PRRC2C: variants seen among roughly 807,000 people sequenced by gnomAD.
PRRC2C encodes proline rich coiled-coil 2C, also known as protein PRRC2C.
PRRC2C carries 72 observed loss-of-function variants against 317.2 expected under a neutral mutation model. That is an observed-to-expected ratio of 0.23 (90% confidence interval 0.19 to 0.28). The LOEUF (loss-of-function observed/expected upper bound fraction) is 0.28. Ranked by LOEUF, PRRC2C falls within the 10% of genes least tolerant of loss-of-function variation. The probability of loss-of-function intolerance (pLI) is 1.00; values close to 1 mark genes in which losing one functional copy is unlikely to be tolerated. For synonymous variants in PRRC2C, 1,296 were observed against 1,205.9 expected (o/e 1.07, Z -1.55); for missense variants, 3,074 against 3,459.7 (o/e 0.89, Z 2.80).
chr1:171,576,056 G>A lies in PRRC2C; in HGVS notation c.6955+928G>A, dbSNP rs941009176. Among the ~76,000 whole-genome samples the A allele has an allele frequency of 4.0e-5, 6 of 151,744 alleles. No individual in the cohort carries two copies. The South Asian group carries it at 6.2e-4, about 16-fold the overall frequency. Reference sequence around the variant, plus strand: ...TTAACACAAACTCCCGAGATTCTACGCTGCATTAACATTTTAAATCAAACT... The same window carrying A: ...TTAACACAAACTCCCGAGATTCTACACTGCATTAACATTTTAAATCAAACT... On this transcript the variant is annotated intron_variant, in intron 25 of 34. Coordinates refer to ENST00000647382, the MANE Select transcript of PRRC2C (RefSeq NM_001387844.1).
chr1:171,533,857 C>T (rs1190165007), intron 12 of PRRC2C, among the ~76,000 whole-genome samples: 2 of 152,144 alleles, frequency 1.3e-5, no homozygotes, highest in Non-Finnish European at 2.9e-5. Flanking sequence ...CTCTTGACCT[C>T]GTGATCTGCC....
At chr1:171,514,222 C>T (rs1337139660) in intron 3 of PRRC2C, among the ~76,000 whole-genome samples, 1 of 151,652 alleles carries the variant, frequency 6.6e-6, no homozygotes, top group Non-Finnish European at 1.5e-5. Flanking sequence ...TTCTTCAAAA[C>T]AGATATTTGG....
chr1:171,487,205 G>A (rs1471334938), intron 1 of PRRC2C, among the ~76,000 whole-genome samples: 2 of 151,924 alleles, frequency 1.3e-5, no homozygotes, highest in Non-Finnish European at 2.9e-5. Context: ...AGACCTTTGA[G>A]AAAAGTGCTA....
chr1:171,546,748 G>C (rs1467708507), intron 17 of PRRC2C, among the ~76,000 whole-genome samples: 1 of 152,072 alleles, frequency 6.6e-6, no homozygotes, highest in Non-Finnish European at 1.5e-5. Context: ...GTACAAGCAT[G>C]AGCCACCATG....
chr1:171,502,726 C>T (rs1007420113), intron 1 of PRRC2C, among the ~76,000 whole-genome samples: 16 of 151,994 alleles, frequency 1.1e-4, no homozygotes, highest in African/African-American at 3.1e-4. Flanking sequence ...CTTAAAAGGA[C>T]GTTGATTGTT....
chr1:171,517,885 A>G lies in PRRC2C; in HGVS notation c.750+71A>G, dbSNP rs117074841. ...TCTGGGGTCCAAGGAGCGAATTGTT[A>G]TAGGGAAAAGTTTAGGTCTTTGTTT... On this transcript the variant is annotated intron_variant, in intron 6 of 34. Coordinates refer to ENST00000647382, the MANE Select transcript of PRRC2C (RefSeq NM_001387844.1). The G allele has an allele frequency of 5.8e-4, 775 of 1,344,232 alleles. 6 individuals carry two copies. In the East Asian group the frequency reaches 0.018, roughly 30 times the overall value. The allele number at this position is 1,344,232 out of a possible 1,614,324, so 83.3% of individuals were successfully genotyped here. A position where few individuals can be genotyped will look rare whatever the true frequency, so the allele number is the denominator to read the frequency against.
At position 171,514,528 on chromosome 1, in the gene PRRC2C, T is replaced by C; in HGVS notation, c.291-8T>C. 6.5e-7 allele frequency: 1 copy of C among 1,546,970 alleles called. No homozygotes were observed. Among genetic ancestry groups the C allele is most frequent in the South Asian group, 1.2e-5 (1 of 83,706 alleles). On this transcript the variant is annotated splice_region_variant and splice_polypyrimidine_tract_variant and intron_variant, in intron 3 of 34. Transcript: ENST00000647382. Reference sequence around the variant, plus strand: ...ATCTGAAATAATGGATTCATATTTTTTTTTAAGAACACCAGAAGTGCCACC... The same window carrying C: ...ATCTGAAATAATGGATTCATATTTTCTTTTAAGAACACCAGAAGTGCCACC...
rs1430833095 is a variant in PRRC2C, at chr1:171,592,992, C to T, written c.*1145C>T. 3 of 152,024 alleles carry T rather than the reference C, an allele frequency of 2.0e-5. No homozygotes were observed. The highest frequency in any genetic ancestry group is 4.4e-5 in the Non-Finnish European group (3 of 67,992). The allele number at this position is 152,024 out of a possible 1,614,324, so 9.4% of individuals were successfully genotyped here. Reference sequence around the variant, plus strand: ...ATACGTAGTAGTGACCGTGCTTTATCAGAGCTGTTTTTAATGATGTTATTC... The same window carrying T: ...ATACGTAGTAGTGACCGTGCTTTATTAGAGCTGTTTTTAATGATGTTATTC... On this transcript the variant is annotated 3_prime_UTR_variant, in exon 35 of 35. Transcript: ENST00000647382.
In PRRC2C at chr1:171,579,894, C is replaced by T. The variant is rs780809179; in HGVS notation, c.7339C>T (p.Leu2447=). The T allele has an allele frequency of 6.3e-6, 10 of 1,598,850 alleles. No homozygotes were observed. The highest frequency in any genetic ancestry group is 1.3e-5 in the African/African-American group (1 of 74,184). The stretch of plus-strand genomic sequence containing the variant: ...ACTGCAAGGGCAGCATCAAGCCCAA[C>T]TGAGTTTGGGGGCTGGCCCTGCTGT... ...APLQGQHQAQ[L]SLGAGPAVSQ... is the part of the protein sequence containing the mutation. Residue 2447 remains leucine, a synonymous_variant, in exon 28 of 35, where the codon CTG becomes TTG. Coordinates refer to ENST00000647382, the MANE Select transcript of PRRC2C (RefSeq NM_001387844.1).
At chr1:171,497,284 AATAATGAGATTATGTTGGGCACT>A (rs1668301525) in intron 1 of PRRC2C, among the ~76,000 whole-genome samples, 1 of 152,112 alleles carries the variant, frequency 6.6e-6, no homozygotes, top group South Asian at 2.1e-4. Flanking sequence ...TGATTTTTTA[AATAATGAGATTATGTTGGGCACT>A]GGCTTTGAAG....
intron 10 of PRRC2C, 40 bp from the exon 11 acceptor site, chr1:171,527,751 C>T (rs769644287): frequency 2.0e-6 from 3 of 1,511,984 alleles, no homozygotes; most frequent in African/African-American, 2.8e-5. Flanking sequence ...GCAAGACTGT[C>T]TCCAAAATAA....
Position 171,566,330 on chromosome 1 carries a change from C to T in PRRC2C, c.6215C>T (p.Pro2072Leu). Reference protein sequence around the residue: ...ASNGNENEVVPVLSEKSADKI... With the variant: ...ASNGNENEVVLVLSEKSADKI... The stretch of plus-strand genomic sequence containing the variant: ...AATGGAAATGAAAATGAAGTTGTTC[C>T]TGTGCTTTCGGAAAAATCTGCTGAC... The change falls in exon 21 of 35, where the codon CCT becomes CTT. Residue 2072 changes from proline (P) to leucine (L), a missense_variant. Transcript: ENST00000647382. The T allele has an allele frequency of 6.2e-7, 1 of 1,603,934 alleles. No individual in the cohort carries two copies. The highest frequency in any genetic ancestry group is 8.5e-7 in the Non-Finnish European group (1 of 1,175,066).
At chr1:171,588,720 G>A (rs909366183) in intron 33 of PRRC2C, among the ~76,000 whole-genome samples, 2 of 152,138 alleles carry the variant, frequency 1.3e-5, no homozygotes, top group African/African-American at 4.8e-5. Context: ...AAGAGAAATA[G>A]TTAAAAGATT....
chr1:171,566,351 C>T lies in PRRC2C; in HGVS notation c.6236C>T (p.Ala2079Val), dbSNP rs937254658. Reference sequence around the variant, plus strand: ...GTTCCTGTGCTTTCGGAAAAATCTGCTGACAAAATACCTGAACCTAAAGAA... The same window carrying T: ...GTTCCTGTGCTTTCGGAAAAATCTGTTGACAAAATACCTGAACCTAAAGAA... ...EVVPVLSEKS[A>V]DKIPEPKEQR... The change falls in exon 21 of 35, where the codon GCT becomes GTT. Residue 2079 changes from alanine (A) to valine (V), a missense_variant. Around this residue, in one of 11 missense-constraint regions of PRRC2C, gnomAD observed 640 missense variants for 676.1 expected, o/e 0.95. Transcript: ENST00000647382. The T allele has an allele frequency of 3.8e-6, 6 of 1,598,836 alleles. No homozygotes were observed. In the Admixed American group the frequency reaches 1.0e-4, roughly 28 times the overall value.
In PRRC2C at chr1:171,522,273, A is replaced by G. The variant is rs1673725452; in HGVS notation, c.833+14A>G. Reference sequence around the variant, plus strand: ...TGAAACAAACAAGTAAGGCTATTAAATGATTAAAGTCTGTAAGGAATATAT... The same window carrying G: ...TGAAACAAACAAGTAAGGCTATTAAGTGATTAAAGTCTGTAAGGAATATAT... On this transcript the variant is annotated intron_variant, in intron 7 of 34. Transcript: ENST00000647382. 2.0e-6 allele frequency: 3 copies of G among 1,517,482 alleles called. No homozygotes were observed. The highest frequency in any genetic ancestry group is 2.7e-6 in the Non-Finnish European group (3 of 1,094,730). The allele number at this position is 1,517,482 out of a possible 1,614,324, so 94.0% of individuals were successfully genotyped here.
At chr1:171,568,708 A>G (rs574175637) in intron 23 of PRRC2C, among the ~76,000 whole-genome samples, 2 of 152,336 alleles carry the variant, frequency 1.3e-5, no homozygotes, top group Admixed American at 6.5e-5. Context: ...TTTATAATTC[A>G]GTGAAACCCA....
At position 171,577,458 on chromosome 1, in the gene PRRC2C, C is replaced by T. The variant is rs773204894; in HGVS notation, c.6980C>T (p.Ser2327Phe). ...LSGAGTYTTS[S>F]LSTKSTTTSD... Reference sequence around the variant, plus strand: ...GGAGCTGGTACATACACTACCTCTTCTTTGAGCACAAAATCTACAACCACA... The same window carrying T: ...GGAGCTGGTACATACACTACCTCTTTTTTGAGCACAAAATCTACAACCACA... Residue 2327 changes from serine to phenylalanine, a missense_variant, in exon 26 of 35, where the codon TCT becomes TTT. Coordinates refer to ENST00000647382, the MANE Select transcript of PRRC2C (RefSeq NM_001387844.1). 6.2e-7 allele frequency: 1 copy of T among 1,610,854 alleles called. No individual in the cohort carries two copies. Among genetic ancestry groups the T allele is most frequent in the African/African-American group, 1.3e-5 (1 of 74,866 alleles).
Position 171,512,150 on chromosome 1 carries a change from G to A in PRRC2C, c.62G>A (p.Ser21Asn). ...GATGGGAAAAAGTATGCAACACTCA[G>A]TTTATTTAATACTTACAAGGGGAAA... ...AKDGKKYATL[S>N]LFNTYKGKSL... is the part of the protein sequence containing the mutation. The change falls in exon 2 of 35, where the codon AGT becomes AAT. Residue 21 changes from serine (S) to asparagine (N), a missense_variant. By Grantham distance (46) the Ser-to-Asn change is conservative. Transcript: ENST00000647382. 3 of 1,582,294 alleles carry A rather than the reference G, an allele frequency of 1.9e-6. No homozygotes were observed. Among genetic ancestry groups the A allele is most frequent in the Non-Finnish European group, 2.6e-6 (3 of 1,163,484 alleles).
At chr1:171,535,786 C>T (rs1676710794) in intron 13 of PRRC2C, among the ~76,000 whole-genome samples, 189 bp downstream of exon 13, 1 of 152,172 alleles carries the variant, frequency 6.6e-6, no homozygotes, top group African/African-American at 2.4e-5. Context: ...TGATCTTCTG[C>T]CTCATTTATA....
Sources: gnomAD v4.1 joint callset for allele counts (sites outside exome capture counted in the v4.1 genomes callset) on GRCh38, gnomAD v4.1.1 for gene constraint, gnomAD v4.1.1 regional missense constraint, MANE v1.5 for transcripts, NCBI Gene and HGNC (gene_info 2026-07-23, HGNC 2026-07-21) for gene names.